RET: variants seen among roughly 807,000 people sequenced by gnomAD.
RET encodes the protein ret proto-oncogene.
Under a neutral mutation model 118.3 loss-of-function variants are expected in RET, and 19 were observed. The ratio of observed to expected loss-of-function variants is 0.16; its 90% CI spans 0.11 to 0.24. RET has a LOEUF of 0.24. RET is among the 10% of genes least tolerant of loss of function. The pLI, the probability that RET is intolerant of heterozygous loss-of-function variation, is 1.00. For missense variants in RET, 1,219 were observed against 1,502.1 expected (o/e 0.81, Z 3.12); for synonymous variants, 597 against 644.1 (o/e 0.93, Z 1.11).
chr10:43,079,833 C>T lies in RET; in HGVS notation c.73+2502C>T, dbSNP rs537842269. Reference sequence around the variant, plus strand: ...GCACCAGGTATCAGCGCGGGCAGCTCAGGCCAGGGGTACAGCTCCCCCTGC... The same window carrying T: ...GCACCAGGTATCAGCGCGGGCAGCTTAGGCCAGGGGTACAGCTCCCCCTGC... On this transcript the variant is annotated intron_variant, in intron 1 of 19. Transcript: ENST00000355710. 3.3e-4 allele frequency among the ~76,000 whole-genome samples: 51 copies of T among 152,300 alleles called. 1 individual carries two copies. In the South Asian group the frequency reaches 3.7e-3, roughly 11 times the overall value.
chr10:43,083,562 C>T (rs1250162178), intron 1 of RET, among the ~76,000 whole-genome samples: 1 of 152,210 alleles, frequency 6.6e-6, no homozygotes, highest in Non-Finnish European at 1.5e-5. Flanking sequence ...GTCACTTTCC[C>T]TGTGTTCCGT....
Position 43,086,825 on chromosome 10 carries a change from A to C in RET, c.73+9494A>C, listed in dbSNP as rs2506004. On this transcript the variant is annotated intron_variant, in intron 1 of 19. Transcript: ENST00000355710. Reference sequence around the variant, plus strand: ...CCGCTGCAGCTGGTCTGGGTATGGAAGTGTGGGTGGTGGCCATCGTGCAGC... The same window carrying C: ...CCGCTGCAGCTGGTCTGGGTATGGACGTGTGGGTGGTGGCCATCGTGCAGC... Among the ~76,000 whole-genome samples, 118,468 of 152,216 alleles carry C rather than the reference A, an allele frequency of 0.78. 46,962 individuals carry two copies. Among genetic ancestry groups the C allele is most frequent in the African/African-American group, 0.92 (38,087 of 41,566 alleles).
chr10:43,112,971 G>C lies in RET; in HGVS notation c.1759+8G>C, dbSNP rs1470633490. 3 of 1,610,328 alleles carry C rather than the reference G, an allele frequency of 1.9e-6. No individual in the cohort carries two copies. Among genetic ancestry groups the C allele is most frequent in the South Asian group, 1.1e-5 (1 of 91,006 alleles). On this transcript the variant is annotated splice_region_variant and intron_variant, in intron 9 of 19. Transcript: ENST00000355710. ...GCCCTCAGGACTGCCTCCGTAAGCA[G>C]GGTTTAATCAGGGCATGGGAACAGG...
intron 1 of RET, among the ~76,000 whole-genome samples, chr10:43,079,257 T>C (rs929596348): frequency 1.3e-5 from 2 of 152,226 alleles, no homozygotes; most frequent in East Asian, 3.9e-4. Context: ...GCTGTGGACA[T>C]GCACAGCGTG....
At chr10:43,100,823 C>T in intron 2 of RET, 101 bp downstream of exon 2, 11 of 1,314,540 alleles carry the variant, frequency 8.4e-6, no homozygotes, top group Non-Finnish European at 1.1e-5. Context: ...ATGGCTTCCC[C>T]CCCACCGCTG....
chr10:43,088,724 T>G (rs1837348043), intron 1 of RET, among the ~76,000 whole-genome samples: 1 of 152,132 alleles, frequency 6.6e-6, no homozygotes. Flanking sequence ...TCATTACCAC[T>G]GCAACACACA....
intron 6 of RET, 127 bp from the exon 7 acceptor site, chr10:43,111,080 G>C (rs1487981541): frequency 1.4e-5 from 19 of 1,349,354 alleles, no homozygotes; most frequent in South Asian, 7.2e-5. Context: ...GGGTGCTCGG[G>C]GGGGCTGCTG....
At chr10:43,085,491 C>G (rs1837269971) in intron 1 of RET, among the ~76,000 whole-genome samples, 1 of 152,244 alleles carries the variant, frequency 6.6e-6, no homozygotes, top group Non-Finnish European at 1.5e-5. Context: ...CCACCTAGGC[C>G]AGAGCCTGTC....
chr10:43,117,122 T>A (rs1336341760), intron 12 of RET, among the ~76,000 whole-genome samples: 1 of 152,204 alleles, frequency 6.6e-6, no homozygotes, highest in Non-Finnish European at 1.5e-5. Flanking sequence ...CATGGGCCTG[T>A]CTGGCCTGCA....
chr10:43,117,962 C>T (rs890562483), intron 12 of RET, among the ~76,000 whole-genome samples: 8 of 152,248 alleles, frequency 5.3e-5, no homozygotes, highest in Middle Eastern at 3.4e-3. Context: ...GGTGTGTGGA[C>T]CTCCTTTATG....
chr10:43,088,771 G>A (rs192709522), intron 1 of RET, among the ~76,000 whole-genome samples: 1 of 152,200 alleles, frequency 6.6e-6, no homozygotes, highest in East Asian at 1.9e-4. Flanking sequence ...CCACAGCCTT[G>A]CCTGGAATCC....
chr10:43,117,356 C>T (rs1838096524), intron 12 of RET, among the ~76,000 whole-genome samples: 2 of 152,250 alleles, frequency 1.3e-5, no homozygotes, highest in African/African-American at 4.8e-5. Flanking sequence ...CAGCCCCAGA[C>T]TGGGTTCACC....
At position 43,109,075 on chromosome 10, in the gene RET, A is replaced by G. The variant is rs1280159133; in HGVS notation, c.1108A>G (p.Met370Val). 3.1e-6 allele frequency: 5 copies of G among 1,613,768 alleles called. No individual in the cohort carries two copies. The highest frequency in any genetic ancestry group is 4.2e-6 in the Non-Finnish European group (5 of 1,180,010). The change falls in exon 6 of 20, where the codon ATG becomes GTG. Residue 370 changes from methionine to valine, a missense_variant. By Grantham distance (21) the Met-to-Val change is conservative. Transcript: ENST00000355710. The part of the protein sequence containing the change: ...RNLSISENRT[M>V]QLAVLVNDSD... ...CCTCTCCATCTCGGAGAACCGCACCATGCAGCTGGCGGTGCTGGTCAATGA... is the reference window on the plus strand; with the variant it reads ...CCTCTCCATCTCGGAGAACCGCACCGTGCAGCTGGCGGTGCTGGTCAATGA...
At chr10:43,079,796 C>A (rs1257472231) in intron 1 of RET, among the ~76,000 whole-genome samples, 1 of 152,202 alleles carries the variant, frequency 6.6e-6, no homozygotes, top group Non-Finnish European at 1.5e-5. Context: ...AGGCAGCCCA[C>A]CCCTGCCTGA....
At chr10:43,104,326 C>A (rs978730323) in intron 3 of RET, among the ~76,000 whole-genome samples, 96 of 151,658 alleles carry the variant, frequency 6.3e-4, no homozygotes, top group African/African-American at 2.2e-3. Context: ...CAGCCAAGGT[C>A]ACCAATATGG....
At chr10:43,085,510 C>T (rs1837270241) in intron 1 of RET, among the ~76,000 whole-genome samples, 1 of 152,234 alleles carries the variant, frequency 6.6e-6, no homozygotes, top group Admixed American at 6.5e-5. Flanking sequence ...TCCTGATTTC[C>T]ATCTCGGCCA....
chr10:43,085,798 G>A (rs1837277325), intron 1 of RET, among the ~76,000 whole-genome samples: 5 of 152,158 alleles, frequency 3.3e-5, no homozygotes, highest in Admixed American at 2.6e-4. Flanking sequence ...CACCCTTGAT[G>A]TTGAGGTCTT....
intron 5 of RET, among the ~76,000 whole-genome samples, chr10:43,107,522 A>C (rs1837808875): frequency 6.7e-6 from 1 of 150,356 alleles, no homozygotes; most frequent in African/African-American, 2.5e-5. Flanking sequence ...TGTCCTTCCC[A>C]GGGCCTTGGT....
In RET at chr10:43,095,247, C is replaced by G. The variant is rs1025759230; in HGVS notation, c.74-5212C>G. ...GCTCAGGTATGGGCTGCATCAGTGC[C>G]GAGGGATTGCATGCTTTGGGTATGT... On this transcript the variant is annotated intron_variant, in intron 1 of 19. Coordinates refer to ENST00000355710, the MANE Select transcript of RET (RefSeq NM_020975.6). Among the ~76,000 whole-genome samples the G allele has an allele frequency of 2.0e-5, 3 of 152,196 alleles. No individual in the cohort carries two copies. The South Asian group carries it at 6.2e-4, about 32-fold the overall frequency.
Sources: gnomAD v4.1 joint callset for allele counts (sites outside exome capture counted in the v4.1 genomes callset) on GRCh38, gnomAD v4.1.1 for gene constraint, MANE v1.5 for transcripts, NCBI Gene and HGNC (gene_info 2026-07-23, HGNC 2026-07-21) for gene names.